DPYS: variants seen among roughly 807,000 people sequenced by gnomAD.
The protein encoded by DPYS is dihydropyrimidine amidohydrolase.
Under a neutral mutation model 50.3 loss-of-function variants are expected in DPYS, and 39 were observed. That is an observed-to-expected ratio of 0.78 (90% CI 0.60 to 1.01). The LOEUF (loss-of-function observed/expected upper bound fraction) is 1.01. Among genes scored for constraint, DPYS ranks in the 50% least tolerant of loss-of-function variants. The pLI is 0.00. For synonymous variants in DPYS, 245 were observed against 250.7 expected, an observed-to-expected ratio of 0.98 and a Z score of 0.22; for missense variants, 659 against 680.9, an observed-to-expected ratio of 0.97 and a Z score of 0.36.
chr8:104,443,905 C>T (rs75941120), intron 4 of DPYS, among the ~76,000 whole-genome samples: 5,885 of 152,184 alleles, frequency 0.039, 141 homozygotes, highest in Middle Eastern at 0.041. Flanking sequence ...AACAAACAAA[C>T]AAAAACCGGA....
At chr8:104,386,953 A>G (rs1411085759) in intron 8 of DPYS, among the ~76,000 whole-genome samples, 3 of 152,168 alleles carry the variant, frequency 2.0e-5, no homozygotes, top group Non-Finnish European at 4.4e-5. Flanking sequence ...TGAAATTAGC[A>G]AGATCAACAG....
intron 7 of DPYS, among the ~76,000 whole-genome samples, chr8:104,412,382 T>C (rs1442493395): frequency 6.6e-6 from 1 of 152,174 alleles, no homozygotes; most frequent in African/African-American, 2.4e-5. Context: ...TGTGAAAATG[T>C]GGCTATAAAG....
At chr8:104,443,048 C>T (rs1221802334) in intron 4 of DPYS, among the ~76,000 whole-genome samples, 1 of 151,938 alleles carries the variant, frequency 6.6e-6, no homozygotes, top group African/African-American at 2.4e-5. Flanking sequence ...AGAGTGAGAC[C>T]CATTATTTTT....
chr8:104,397,723 C>T (rs999188290), intron 7 of DPYS, among the ~76,000 whole-genome samples: 5 of 152,104 alleles, frequency 3.3e-5, no homozygotes, highest in Non-Finnish European at 7.4e-5. Context: ...ACTCCATTTC[C>T]AAGATGATAA....
intron 4 of DPYS, among the ~76,000 whole-genome samples, chr8:104,432,468 G>A (rs1289754800): frequency 6.6e-6 from 1 of 152,206 alleles, no homozygotes; most frequent in Non-Finnish European, 1.5e-5. Context: ...CACAGAAAAA[G>A]CATAGGCATC....
intron 1 of DPYS, among the ~76,000 whole-genome samples, chr8:104,452,176 C>T (rs1262878498): frequency 6.6e-6 from 1 of 152,222 alleles, no homozygotes; most frequent in Non-Finnish European, 1.5e-5. Flanking sequence ...TTGCAATATA[C>T]CCCTTAGCAC....
At chr8:104,392,563 C>A (rs1030720701) in intron 8 of DPYS, among the ~76,000 whole-genome samples, 1 of 152,124 alleles carries the variant, frequency 6.6e-6, no homozygotes, top group Non-Finnish European at 1.5e-5. Flanking sequence ...CTGGAAATCC[C>A]GAACTGACCT....
intron 1 of DPYS, among the ~76,000 whole-genome samples, chr8:104,452,662 T>A (rs1332911901): frequency 6.6e-6 from 1 of 151,908 alleles, no homozygotes; most frequent in Non-Finnish European, 1.5e-5. Context: ...GGCAACATGG[T>A]GAAAACCCCG....
At chr8:104,409,173 C>T (rs1301479792) in intron 7 of DPYS, among the ~76,000 whole-genome samples, 1 of 151,840 alleles carries the variant, frequency 6.6e-6, no homozygotes, top group Non-Finnish European at 1.5e-5. Context: ...TGTGCCTCAC[C>T]AACATGCCAG....
chr8:104,384,705 A>C (rs895999815), intron 8 of DPYS, among the ~76,000 whole-genome samples: 2 of 152,234 alleles, frequency 1.3e-5, no homozygotes, highest in Admixed American at 1.3e-4. Flanking sequence ...GGCATCCCAG[A>C]TGAATATGGT....
At chr8:104,399,218 G>C (rs1040184360) in intron 7 of DPYS, among the ~76,000 whole-genome samples, 11 of 150,992 alleles carry the variant, frequency 7.3e-5, no homozygotes, top group Admixed American at 6.6e-5. Flanking sequence ...TTGAACCTGG[G>C]GGGTGGAGGT....
intron 7 of DPYS, among the ~76,000 whole-genome samples, chr8:104,423,450 T>C (rs932146021): frequency 5.3e-5 from 8 of 152,228 alleles, no homozygotes; most frequent in Non-Finnish European, 1.2e-4. Flanking sequence ...TTTGTGACAA[T>C]ATTAGCCCAA....
At chr8:104,461,359 G>C (rs576322085) in intron 1 of DPYS, among the ~76,000 whole-genome samples, 2 of 141,690 alleles carry the variant, frequency 1.4e-5, no homozygotes, top group Non-Finnish European at 3.1e-5. Flanking sequence ...ATCCATCATC[G>C]ACAAGAATAC....
Position 104,427,840 on chromosome 8 carries a change from A to G in DPYS, c.1092+140T>C. ...GGGATGGAATGGTGGTCGAGGTGAT[A>G]GTATTGCATTCCTAGTATCCTCCCT... is the stretch of plus-strand genomic sequence containing the variant. On this transcript the variant is annotated intron_variant, in intron 6 of 9. Coordinates refer to ENST00000351513, the MANE Select transcript of DPYS (RefSeq NM_001385.3). The G allele has an allele frequency of 3.4e-6, 4 of 1,168,554 alleles. No homozygotes were observed. The Admixed American group carries it at 6.8e-5, about 20-fold the overall frequency. 72.4% of individuals were successfully genotyped at this position (1,168,554 alleles called of 1,614,324 possible).
At chr8:104,453,094 T>C (rs1813810740) in intron 1 of DPYS, among the ~76,000 whole-genome samples, 1 of 152,126 alleles carries the variant, frequency 6.6e-6, no homozygotes, top group Non-Finnish European at 1.5e-5. Flanking sequence ...CTACCTGATA[T>C]GCCAGCTCTA....
intron 7 of DPYS, among the ~76,000 whole-genome samples, chr8:104,401,365 A>C (rs969025117): frequency 2.0e-5 from 3 of 151,558 alleles, no homozygotes; most frequent in Admixed American, 1.3e-4. Flanking sequence ...GCACAGAAAG[A>C]TTAATAACAC....
At chr8:104,404,065 C>CT (rs2140552856) in intron 7 of DPYS, among the ~76,000 whole-genome samples, 1 of 152,292 alleles carries the variant, frequency 6.6e-6, no homozygotes, top group Non-Finnish European at 1.5e-5. Context: ...TATTTATGGC[C>CT]TCTTTGCTCT....
At chr8:104,428,864 T>C (rs1812836853) in intron 5 of DPYS, among the ~76,000 whole-genome samples, 1 of 151,428 alleles carries the variant, frequency 6.6e-6, no homozygotes, top group South Asian at 2.1e-4. Context: ...AGAGTCTTGC[T>C]CTGTCACTCA....
intron 4 of DPYS, among the ~76,000 whole-genome samples, chr8:104,431,932 T>C (rs531320239): frequency 4.4e-4 from 67 of 152,326 alleles, no homozygotes; most frequent in African/African-American, 1.5e-3. Flanking sequence ...TTCTAAATGT[T>C]TAAGTCAACC....
Sources: allele counts gnomAD v4.1 joint callset (sites outside exome capture counted in the v4.1 genomes callset), GRCh38; gene constraint gnomAD v4.1.1; transcripts MANE v1.5; gene names NCBI Gene and HGNC (gene_info 2026-07-23, HGNC 2026-07-21).